The following CLASP2 variants were observed in gnomAD, a reference collection of about 807,000 sequenced individuals.
CLASP2 encodes CLIP-associating protein 2.
In CLASP2, 47 loss-of-function variants were observed where a neutral mutation model predicts 194.4. The observed-to-expected ratio is 0.24, with a 90% CI of 0.19 to 0.31. The LOEUF is 0.31. CLASP2 is among the 10% of genes least tolerant of loss of function. The pLI is 1.00. For missense variants in CLASP2, 1,445 were observed against 1,823.6 expected, an observed-to-expected ratio of 0.79 and a Z score of 3.78; for synonymous variants, 619 against 633.5, an observed-to-expected ratio of 0.98 and a Z score of 0.34.
In CLASP2 at chr3:33,535,454, C is replaced by T. The variant is rs371559460; in HGVS notation, c.3566G>A (p.Gly1189Asp). The change falls in exon 34 of 39, where the codon GGT becomes GAT. Residue 1189 changes from glycine to aspartate, a missense_variant. Around this residue, in one of 4 missense-constraint regions of CLASP2, gnomAD observed 732 missense variants for 987.9 expected, o/e 0.74. Transcript: ENST00000682230. ...SKKDDGDSMC[G>D]GPGMSDPRAG... ...TCTTGGGTCAGACATCCCAGGACCA[C>T]CACACATCTATCAATGGGAAGTGAA... is the stretch of plus-strand genomic sequence containing the variant. 70 of 1,612,562 alleles carry T rather than the reference C, an allele frequency of 4.3e-5. No homozygotes were observed. The highest frequency in any genetic ancestry group is 5.5e-5 in the Non-Finnish European group (65 of 1,178,968).
chr3:33,568,681 G>A (rs1255311849), intron 26 of CLASP2, among the ~76,000 whole-genome samples: 2 of 151,408 alleles, frequency 1.3e-5, no homozygotes, highest in African/African-American at 2.4e-5. Flanking sequence ...GTGCCTTCAT[G>A]CTATAATGGC....
At chr3:33,586,237 TG>T (rs1158292215) in intron 21 of CLASP2, among the ~76,000 whole-genome samples, 2 of 151,834 alleles carry the variant, frequency 1.3e-5, no homozygotes, top group East Asian at 3.9e-4. Context: ...CGGGTTCAAG[TG>T]ATTCTCCTGC....
intron 22 of CLASP2, 120 bp downstream of exon 22, chr3:33,584,630 A>G: frequency 1.1e-6 from 1 of 912,980 alleles, no homozygotes; most frequent in East Asian, 2.8e-5. Context: ...TGAATTTTTA[A>G]GTTATTTTCT....
chr3:33,700,624 T>TC (rs2092309367), intron 1 of CLASP2, among the ~76,000 whole-genome samples: 1 of 152,024 alleles, frequency 6.6e-6, no homozygotes. Context: ...GGCAGGCAGA[T>TC]CACCTGAGGT....
intron 30 of CLASP2, chr3:33,545,123 G>C: frequency 4.5e-6 from 1 of 223,156 alleles, no homozygotes; most frequent in Non-Finnish European, 8.6e-6. Flanking sequence ...GGGTTACTCT[G>C]TTACATACTA....
intron 7 of CLASP2, 130 bp downstream of exon 7, chr3:33,663,315 G>T: frequency 2.7e-5 from 12 of 450,230 alleles, no homozygotes; most frequent in Admixed American, 4.1e-5. Flanking sequence ...TAAATATTTT[G>T]TTATTATATC....
At chr3:33,632,406 C>G (rs928510050) in intron 8 of CLASP2, 35 bp from the exon 9 acceptor site, 1 of 1,404,808 alleles carries the variant, frequency 7.1e-7, no homozygotes, top group African/African-American at 1.4e-5. Flanking sequence ...TCCTAAGGTT[C>G]ATTTTTAAGC....
chr3:33,644,817 A>G lies in CLASP2; in HGVS notation c.802T>C (p.Ser268Pro). Residue 268 changes from serine to proline, a missense_variant, in exon 8 of 39, where the codon TCC becomes CCC. Physicochemically the swap from Ser to Pro is moderately conservative, Grantham distance 74 (BLOSUM62 -1). This residue lies in a region of CLASP2 where 207 missense variants were observed against 331.4 expected (regional missense o/e 0.62). Coordinates refer to ENST00000682230, the MANE Select transcript of CLASP2 (RefSeq NM_001365631.1). ...CTTGCACTGTTGGCAGGATTTCCGG[A>G]TGTTTTAGGTGCAGGAACCTTGAAG... ...SAFKVPAPKTSGNPANSARKP... is the reference protein window; with the variant it reads ...SAFKVPAPKTPGNPANSARKP... 6.2e-7 allele frequency: 1 copy of G among 1,613,118 alleles called. No individual in the cohort carries two copies. The highest frequency in any genetic ancestry group is 1.3e-5 in the African/African-American group (1 of 75,030).
chr3:33,607,660 C>T (rs547794355), intron 14 of CLASP2, among the ~76,000 whole-genome samples, 199 bp from the exon 15 acceptor site: 54 of 152,046 alleles, frequency 3.6e-4, no homozygotes, highest in Non-Finnish European at 4.1e-4. Context: ...GTATGGTTTC[C>T]TTCTGACAAT....
At chr3:33,593,012 T>G (rs1481708179) in intron 20 of CLASP2, among the ~76,000 whole-genome samples, 3 of 152,364 alleles carry the variant, frequency 2.0e-5, no homozygotes, top group East Asian at 3.9e-4. Context: ...TATATGGACA[T>G]GTTTACTGCT....
chr3:33,544,400 T>TA, intron 31 of CLASP2, among the ~76,000 whole-genome samples: 1 of 152,322 alleles, frequency 6.6e-6, no homozygotes, highest in Non-Finnish European at 1.5e-5. Flanking sequence ...GTCCTGATTC[T>TA]AATGGCTTCC....
chr3:33,545,620 T>C (rs2059036054), intron 30 of CLASP2, among the ~76,000 whole-genome samples: 1 of 152,172 alleles, frequency 6.6e-6, no homozygotes, highest in South Asian at 2.1e-4. Flanking sequence ...GAAGAAAAAC[T>C]ATAAGACTGC....
intron 37 of CLASP2, chr3:33,502,665 T>C (rs2047108710): frequency 6.6e-6 from 1 of 152,212 alleles, no homozygotes; most frequent in African/African-American, 2.4e-5. Flanking sequence ...TGAAATATTT[T>C]TGAATGAATT....
chr3:33,569,558 C>T (rs2063373589), intron 26 of CLASP2, among the ~76,000 whole-genome samples: 1 of 152,064 alleles, frequency 6.6e-6, no homozygotes, highest in African/African-American at 2.4e-5. Flanking sequence ...TAAAGTAAGA[C>T]TAACAGCTGT....
chr3:33,643,784 C>T (rs1387118537), intron 8 of CLASP2, among the ~76,000 whole-genome samples: 1 of 151,920 alleles, frequency 6.6e-6, no homozygotes, highest in African/African-American at 2.4e-5. Context: ...CAAGGGAACA[C>T]AACTCCTTAT....
In CLASP2 at chr3:33,496,661, T is replaced by G. The variant is rs1204250859; in HGVS notation, c.*1970A>C. 6.6e-6 allele frequency: 1 copy of G among 152,180 alleles called. No homozygotes were observed. Among genetic ancestry groups the G allele is most frequent in the East Asian group, 1.9e-4 (1 of 5,196 alleles). The allele number at this position is 152,180 out of a possible 1,614,324, so 9.4% of individuals were successfully genotyped here. On this transcript the variant is annotated 3_prime_UTR_variant, in exon 39 of 39. Transcript: ENST00000682230. ...TTCAGCTTAAGTCACTCTACTTGGT[T>G]GTCAACAGTAGTTAAAGCAGTATCT...
At position 33,534,182 on chromosome 3, in the gene CLASP2, T is replaced by C. The variant is rs981509866; in HGVS notation, c.3787+1051A>G. On this transcript the variant is annotated intron_variant, in intron 34 of 38. Coordinates refer to ENST00000682230, the MANE Select transcript of CLASP2 (RefSeq NM_001365631.1). ...AAAGACTTTCAAGTTTATCTGTGTA[T>C]AGTTATATATTACTATATAGTACTA... 1.6e-4 allele frequency among the ~76,000 whole-genome samples: 25 copies of C among 152,226 alleles called. 1 individual carries two copies. Among genetic ancestry groups the C allele is most frequent in the Non-Finnish European group, 4.4e-5 (3 of 68,040 alleles).
intron 27 of CLASP2, among the ~76,000 whole-genome samples, chr3:33,565,303 T>A (rs1282590193): frequency 6.6e-6 from 1 of 152,046 alleles, no homozygotes; most frequent in East Asian, 1.9e-4. Context: ...CTCAGCCTTC[T>A]GTGTAGGTAG....
chr3:33,553,864 G>A (rs1295505802), intron 29 of CLASP2, among the ~76,000 whole-genome samples: 2 of 152,130 alleles, frequency 1.3e-5, no homozygotes, highest in African/African-American at 2.4e-5. Flanking sequence ...ATACCCAAAG[G>A]ATATGAAATC....
Sources: allele counts gnomAD v4.1 joint callset (sites outside exome capture counted in the v4.1 genomes callset), GRCh38; gene constraint gnomAD v4.1.1; regional missense constraint gnomAD v4.1.1; transcripts MANE v1.5; gene names NCBI Gene and HGNC (gene_info 2026-07-23, HGNC 2026-07-21).